The following RAB30 variants were observed in gnomAD, a reference collection of about 807,000 sequenced individuals.
RAB30 encodes RAB30, member RAS oncogene family.
RAB30 carries 9 observed loss-of-function variants against 25.1 expected under a neutral mutation model. That is an observed-to-expected ratio of 0.36 (90% CI 0.22 to 0.63). The LOEUF is 0.63. RAB30 is among the 20% of genes least tolerant of loss of function. The probability of loss-of-function intolerance (pLI) is 0.69; values close to 1 mark genes in which losing one functional copy is unlikely to be tolerated. For missense variants in RAB30, 140 were observed against 243.5 expected, an observed-to-expected ratio of 0.58 and a Z score of 2.83; for synonymous variants, 77 against 86.4, an observed-to-expected ratio of 0.89 and a Z score of 0.60.
At chr11:83,067,301 G>C (rs1358323599) in intron 1 of RAB30, among the ~76,000 whole-genome samples, 1 of 152,080 alleles carries the variant, frequency 6.6e-6, no homozygotes, top group Non-Finnish European at 1.5e-5. Context: ...TCCATGCTGG[G>C]GTAAGTATAA....
At chr11:82,990,293 A>C (rs1378041417) in intron 3 of RAB30, among the ~76,000 whole-genome samples, 3 of 152,058 alleles carry the variant, frequency 2.0e-5, no homozygotes, top group Non-Finnish European at 4.4e-5. Context: ...TTGACCTTAC[A>C]CCCCCAGTAC....
Position 83,014,672 on chromosome 11 carries a change from AAGAAAGAAAGAAAGAAAGAAAG to A in RAB30, c.-8-17370_-8-17349del, listed in dbSNP as rs1276335683. On this transcript the variant is annotated intron_variant, in intron 1 of 4. Transcript: ENST00000527633. Reference sequence around the variant, plus strand: ...AAAGAAAGAAAGAAAGAAAGAAAGAAAGAAAGAAAGAAAGAAAGAAAGAGAAAGGAAGGAAGGAAGGATGGAG... The same window carrying A: ...AAAGAAAGAAAGAAAGAAAGAAAGAAAGAAAGGAAGGAAGGAAGGATGGAG... 1.8e-3 allele frequency among the ~76,000 whole-genome samples: 273 copies of A among 149,944 alleles called. 1 individual carries two copies. Among genetic ancestry groups the A allele is most frequent in the African/African-American group, 6.5e-3 (261 of 40,308 alleles).
In RAB30 at chr11:82,977,381, A is replaced by G. The variant is rs1856562940; in HGVS notation, c.*4784T>C. The stretch of plus-strand genomic sequence containing the variant: ...AAAAAATCATTAGCTATGAATTAAC[A>G]GATATTTAATTGAACATGTTATGAG... On this transcript the variant is annotated 3_prime_UTR_variant, in exon 5 of 5. Transcript: ENST00000527633. 6.6e-6 allele frequency: 1 copy of G among 152,222 alleles called. No individual in the cohort carries two copies. The highest frequency in any genetic ancestry group is 2.1e-4 in the South Asian group (1 of 4,836). The allele number at this position is 152,222 out of a possible 1,614,324, so 9.4% of individuals were successfully genotyped here.
intron 1 of RAB30, among the ~76,000 whole-genome samples, chr11:83,002,407 G>A (rs1302154983): frequency 6.6e-6 from 1 of 152,162 alleles, no homozygotes; most frequent in African/African-American, 2.4e-5. Flanking sequence ...ACCAGGCATA[G>A]GGAATATAAA....
In RAB30 at chr11:82,997,079, C is replaced by A. The variant is rs1856975129; in HGVS notation, c.93+145G>T. 4 of 679,012 alleles carry A rather than the reference C, an allele frequency of 5.9e-6. No individual in the cohort carries two copies. The South Asian group carries it at 7.5e-5, about 13-fold the overall frequency. The allele number at this position is 679,012 out of a possible 1,614,324, so 42.1% of individuals were successfully genotyped here. A position where few individuals can be genotyped will look rare whatever the true frequency, so the allele number is the denominator to read the frequency against. Reference sequence around the variant, plus strand: ...CCTTGTCTTGGCTACAAAGCAGATGCAGCTTTCAAAGGGTGCATCAGGAAC... The same window carrying A: ...CCTTGTCTTGGCTACAAAGCAGATGAAGCTTTCAAAGGGTGCATCAGGAAC... On this transcript the variant is annotated intron_variant, in intron 2 of 4. Transcript: ENST00000527633.
At chr11:83,051,230 G>A (rs528912088) in intron 1 of RAB30, among the ~76,000 whole-genome samples, 2 of 152,226 alleles carry the variant, frequency 1.3e-5, no homozygotes, top group East Asian at 1.9e-4. Flanking sequence ...AGGAGCCTGG[G>A]TGCCCGAAAC....
chr11:83,063,400 T>C (rs1858626961), intron 1 of RAB30, among the ~76,000 whole-genome samples: 1 of 152,224 alleles, frequency 6.6e-6, no homozygotes. Flanking sequence ...TTTAGTGAAG[T>C]TAACTAACCG....
At chr11:83,008,638 CA>C (rs1303408244) in intron 1 of RAB30, among the ~76,000 whole-genome samples, 4 of 152,144 alleles carry the variant, frequency 2.6e-5, no homozygotes, top group African/African-American at 9.7e-5. Flanking sequence ...AATTCTTATG[CA>C]GAAGATAGGG....
intron 1 of RAB30, among the ~76,000 whole-genome samples, chr11:83,007,701 C>G (rs1857214557): frequency 6.6e-6 from 1 of 152,112 alleles, no homozygotes; most frequent in Non-Finnish European, 1.5e-5. Context: ...CAGTTAACTC[C>G]CCAGGCGGGG....
chr11:82,984,585 C>T (rs1402740642), intron 4 of RAB30, among the ~76,000 whole-genome samples: 3 of 152,126 alleles, frequency 2.0e-5, no homozygotes, highest in Admixed American at 1.3e-4. Context: ...TGAGTCGGAA[C>T]GCTAGCAGAA....
chr11:82,989,152 G>A (rs1282480208), intron 3 of RAB30, among the ~76,000 whole-genome samples: 4 of 152,044 alleles, frequency 2.6e-5, no homozygotes, highest in African/African-American at 7.2e-5. Flanking sequence ...ACACCTCCCC[G>A]TATTAATGGA....
chr11:83,021,011 T>C (rs1857564090), intron 1 of RAB30, among the ~76,000 whole-genome samples: 1 of 152,098 alleles, frequency 6.6e-6, no homozygotes, highest in Admixed American at 6.5e-5. Flanking sequence ...TGCTGAGAAC[T>C]GAACACTTGT....
chr11:83,015,921 T>C lies in RAB30; in HGVS notation c.-8-18597A>G, dbSNP rs916191426. On this transcript the variant is annotated intron_variant, in intron 1 of 4. Transcript: ENST00000527633. ...GGGAGAATGAGGCAGGCAGATCCCTTGAGACCAGCAGTTTGAGACCAGCTT... is the reference window on the plus strand; with the variant it reads ...GGGAGAATGAGGCAGGCAGATCCCTCGAGACCAGCAGTTTGAGACCAGCTT... Among the ~76,000 whole-genome samples, 13 of 152,166 alleles carry C rather than the reference T, an allele frequency of 8.5e-5. 1 individual carries two copies. Among genetic ancestry groups the C allele is most frequent in the African/African-American group, 2.2e-4 (9 of 41,440 alleles).
chr11:83,064,737 G>A (rs1015448728), intron 1 of RAB30, among the ~76,000 whole-genome samples: 1 of 152,164 alleles, frequency 6.6e-6, no homozygotes, highest in Non-Finnish European at 1.5e-5. Flanking sequence ...ATTCAGGAAC[G>A]CCAGCTGATC....
At position 82,978,845 on chromosome 11, in the gene RAB30, A is replaced by G. The variant is rs1270213354; in HGVS notation, c.*3320T>C. On this transcript the variant is annotated 3_prime_UTR_variant, in exon 5 of 5. Coordinates refer to ENST00000527633, the MANE Select transcript of RAB30 (RefSeq NM_001286060.2). ...TCATCCAAATATCTTATTTTGGCCA[A>G]TCGTTTCTACCTTCCTTATAAACTC... 5 of 152,246 alleles carry G rather than the reference A, an allele frequency of 3.3e-5. No homozygotes were observed. Among genetic ancestry groups the G allele is most frequent in the African/African-American group, 9.6e-5 (4 of 41,466 alleles). The allele number at this position is 152,246 out of a possible 1,614,324, so 9.4% of individuals were successfully genotyped here.
At chr11:82,983,432 CT>C (rs1046972793) in intron 4 of RAB30, among the ~76,000 whole-genome samples, 2 of 151,912 alleles carry the variant, frequency 1.3e-5, no homozygotes, top group Non-Finnish European at 2.9e-5. Context: ...GACCGTAACC[CT>C]TTTTTTCTTT....
At chr11:83,028,527 A>G (rs577611824) in intron 1 of RAB30, among the ~76,000 whole-genome samples, 1 of 152,194 alleles carries the variant, frequency 6.6e-6, no homozygotes, top group African/African-American at 2.4e-5. Flanking sequence ...GACAAAGAGA[A>G]GATTTTACAA....
chr11:82,987,425 C>T, intron 4 of RAB30, 162 bp downstream of exon 4: 1 of 613,032 alleles, frequency 1.6e-6, no homozygotes. Context: ...TGGGATAGGA[C>T]CTATTTCATT....
At chr11:83,010,801 C>A (rs530422518) in intron 1 of RAB30, among the ~76,000 whole-genome samples, 2 of 152,220 alleles carry the variant, frequency 1.3e-5, no homozygotes, top group African/African-American at 2.4e-5. Flanking sequence ...AACAAAAATA[C>A]TCATTACCTC....
Sources: allele counts gnomAD v4.1 joint callset (sites outside exome capture counted in the v4.1 genomes callset), GRCh38; gene constraint gnomAD v4.1.1; transcripts MANE v1.5; gene names NCBI Gene and HGNC (gene_info 2026-07-23, HGNC 2026-07-21).